Variants in SMIM36 observed in about 807,000 individuals in gnomAD.
SMIM36 encodes small integral membrane protein 36.
chr17:55,500,130 T>C (rs1909882219), intron 1 of SMIM36, among the ~76,000 whole-genome samples: 1 of 152,002 alleles, frequency 6.6e-6, no homozygotes, highest in Admixed American at 6.6e-5. Context: ...AAAAAAAATT[T>C]TTTTTTTAGA....
At chr17:55,469,431 C>T (rs931397590) in intron 3 of SMIM36, among the ~76,000 whole-genome samples, 2 of 152,158 alleles carry the variant, frequency 1.3e-5, no homozygotes, top group Non-Finnish European at 2.9e-5. Context: ...CCCTTAGGTG[C>T]TTTACCACCC....
At chr17:55,522,606 C>A in the SMIM36 span, among the ~76,000 whole-genome samples, 2 of 152,110 alleles carry the variant, frequency 1.3e-5, no homozygotes, top group Admixed American at 6.5e-5. Context: ...GGGCAAACTG[C>A]CCCTGTGATT....
upstream of SMIM36, among the ~76,000 whole-genome samples, chr17:55,515,099 T>TTG (rs1910249852): frequency 7.2e-6 from 1 of 138,926 alleles, no homozygotes; most frequent in East Asian, 2.0e-4. Flanking sequence ...TTTTTTTTTT[T>TTG]TTTTTTTTTT....
chr17:55,481,058 T>C (rs1191844874), intron 1 of SMIM36, among the ~76,000 whole-genome samples: 1 of 151,718 alleles, frequency 6.6e-6, no homozygotes, highest in Non-Finnish European at 1.5e-5. Flanking sequence ...CTCTGTCTCT[T>C]TCTGTCTCTG....
chr17:55,518,744 C>A, the SMIM36 span, among the ~76,000 whole-genome samples: 2 of 151,786 alleles, frequency 1.3e-5, no homozygotes, highest in African/African-American at 2.4e-5. Context: ...AAGCATCATG[C>A]GAGCCCATGG....
At chr17:55,474,075 C>A (rs1373834744) in intron 3 of SMIM36, among the ~76,000 whole-genome samples, 3 of 152,122 alleles carry the variant, frequency 2.0e-5, no homozygotes, top group African/African-American at 7.2e-5. Flanking sequence ...CTCACGCGGA[C>A]CCCCTTAGAG....
At chr17:55,517,495 G>A in the SMIM36 span, among the ~76,000 whole-genome samples, 2 of 152,182 alleles carry the variant, frequency 1.3e-5, no homozygotes, top group African/African-American at 4.8e-5. Flanking sequence ...CCTGGGAGGT[G>A]AAGGCTGCAG....
chr17:55,496,310 G>A (rs778828266), intron 1 of SMIM36, among the ~76,000 whole-genome samples: 1 of 152,134 alleles, frequency 6.6e-6, no homozygotes, highest in African/African-American at 2.4e-5. Flanking sequence ...GAGGCCACCA[G>A]GCTGGCAATG....
chr17:55,472,087 C>T (rs1408326433), intron 3 of SMIM36, among the ~76,000 whole-genome samples: 1 of 152,226 alleles, frequency 6.6e-6, no homozygotes, highest in Admixed American at 6.5e-5. Context: ...TCACTTAGCA[C>T]CCAACGCAAC....
chr17:55,508,431 A>AATATATATATATATAT lies in SMIM36; in HGVS notation c.*174+2432_*174+2447dup, dbSNP rs55879501. On this transcript the variant is annotated intron_variant, in intron 1 of 4. Coordinates refer to ENST00000636752, the Ensembl canonical transcript of SMIM36. ...CATATTTTATATATATATTCCTAGG[A>AATATATATATATATAT]ATATATATATATATATATATATATA... 2.5e-3 allele frequency among the ~76,000 whole-genome samples: 290 copies of AATATATATATATATAT among 114,258 alleles called. 23 individuals carry two copies. The highest frequency in any genetic ancestry group is 8.3e-3 in the African/African-American group (234 of 28,336). 75.0% of individuals were successfully genotyped at this position (114,258 alleles called of 152,430 possible). A position where few individuals can be genotyped will look rare whatever the true frequency, so the allele number is the denominator to read the frequency against.
intron 1 of SMIM36, among the ~76,000 whole-genome samples, chr17:55,509,781 A>G (rs890963930): frequency 6.6e-6 from 1 of 152,200 alleles, no homozygotes; most frequent in Non-Finnish European, 1.5e-5. Flanking sequence ...CAATGGAGAT[A>G]ATAATTCAAA....
intron 1 of SMIM36, among the ~76,000 whole-genome samples, chr17:55,484,955 G>C (rs1909580038): frequency 6.6e-6 from 1 of 152,180 alleles, no homozygotes; most frequent in African/African-American, 2.4e-5. Context: ...TTTGGATTCT[G>C]ATTTCAACTA....
intron 1 of SMIM36, among the ~76,000 whole-genome samples, chr17:55,486,980 G>C (rs1300926609): frequency 6.6e-6 from 1 of 152,152 alleles, no homozygotes; most frequent in East Asian, 1.9e-4. Flanking sequence ...ACCATGTGCT[G>C]GGCACTGAGA....
chr17:55,488,381 A>C (rs1167510876), intron 1 of SMIM36, among the ~76,000 whole-genome samples: 1 of 152,220 alleles, frequency 6.6e-6, no homozygotes, highest in Non-Finnish European at 1.5e-5. Context: ...ACTAATAGAG[A>C]TTCATTGTAG....
chr17:55,500,738 T>G (rs1307934400), intron 1 of SMIM36, among the ~76,000 whole-genome samples: 1 of 62,740 alleles, frequency 1.6e-5, no homozygotes, highest in African/African-American at 7.9e-5. Context: ...AGAACATTCA[T>G]TTAAAAGTAT....
At chr17:55,513,439 T>C (rs749356611), upstream of SMIM36, among the ~76,000 whole-genome samples, 1 of 152,210 alleles carries the variant, frequency 6.6e-6, no homozygotes, top group Non-Finnish European at 1.5e-5. Context: ...TGAAGGCAGA[T>C]CTACAGGAAA....
intron 4 of SMIM36, among the ~76,000 whole-genome samples, chr17:55,458,699 C>G (rs1909077960): frequency 6.6e-6 from 1 of 151,914 alleles, no homozygotes; most frequent in Non-Finnish European, 1.5e-5. Context: ...CCTCTGCGGC[C>G]GAAGAGCATG....
chr17:55,465,294 G>T (rs993168171), intron 4 of SMIM36, among the ~76,000 whole-genome samples: 3 of 152,190 alleles, frequency 2.0e-5, no homozygotes, highest in Admixed American at 6.5e-5. Context: ...TCACCTTGGG[G>T]AAGTTATTTA....
the SMIM36 span, among the ~76,000 whole-genome samples, chr17:55,518,981 T>C: frequency 1.3e-5 from 2 of 150,600 alleles, no homozygotes; most frequent in Admixed American, 6.6e-5. Context: ...GTTTGTTTCA[T>C]CTGATATTTG....
Sources: gnomAD v4.1 joint callset for allele counts (sites outside exome capture counted in the v4.1 genomes callset) on GRCh38, gnomAD v4.1.1 for gene constraint, MANE v1.5 for transcripts, NCBI Gene and HGNC (gene_info 2026-07-23, HGNC 2026-07-21) for gene names.